NDRG3: variants seen among roughly 807,000 people sequenced by gnomAD.
The protein encoded by NDRG3 is NDRG family member 3.
NDRG3 carries 23 observed loss-of-function variants against 57.2 expected under a neutral mutation model. The ratio of observed to expected loss-of-function variants is 0.40; its 90% CI spans 0.29 to 0.57. The LOEUF (loss-of-function observed/expected upper bound fraction) is 0.57, where lower values mean the gene tolerates loss of function less well. Ranked by LOEUF, NDRG3 falls within the 20% of genes least tolerant of loss-of-function variation. The pLI, the probability that NDRG3 is intolerant of heterozygous loss-of-function variation, is 0.42. For synonymous variants in NDRG3, 132 were observed against 162.6 expected (o/e 0.81, Z 1.43); for missense variants, 384 against 457.3 (o/e 0.84, Z 1.46).
intron 1 of NDRG3, among the ~76,000 whole-genome samples, chr20:36,739,361 C>G (rs1985796334): frequency 1.3e-5 from 2 of 150,058 alleles, no homozygotes; most frequent in South Asian, 4.2e-4. Flanking sequence ...GCAGGAAAAT[C>G]CCATGAACCT....
intron 8 of NDRG3, among the ~76,000 whole-genome samples, chr20:36,676,840 G>T (rs145782930): frequency 6.6e-6 from 1 of 152,244 alleles, no homozygotes; most frequent in Non-Finnish European, 1.5e-5. Context: ...TGTGTGGCTG[G>T]GGCTGCACAC....
chr20:36,694,205 G>A (rs1982577738), intron 3 of NDRG3, among the ~76,000 whole-genome samples: 1 of 152,114 alleles, frequency 6.6e-6, no homozygotes, highest in Non-Finnish European at 1.5e-5. Flanking sequence ...TGGAGGAGGT[G>A]AAAGGGGAGG....
At chr20:36,704,669 TA>T (rs1465173009) in intron 3 of NDRG3, among the ~76,000 whole-genome samples, 1 of 152,170 alleles carries the variant, frequency 6.6e-6, no homozygotes, top group Non-Finnish European at 1.5e-5. Context: ...TAACGTAACT[TA>T]TTGTTTTAGA....
chr20:36,674,101 C>G (rs1029011952), intron 8 of NDRG3, among the ~76,000 whole-genome samples: 16 of 152,002 alleles, frequency 1.1e-4, no homozygotes, highest in Non-Finnish European at 4.4e-5. Context: ...AGTGAAACTC[C>G]GTCTCAAAAA....
intron 3 of NDRG3, among the ~76,000 whole-genome samples, chr20:36,703,536 T>C (rs940776493): frequency 1.3e-5 from 2 of 152,044 alleles, no homozygotes; most frequent in Non-Finnish European, 2.9e-5. Context: ...CTCAAACTCC[T>C]GGGCTCAAGC....
intron 5 of NDRG3, among the ~76,000 whole-genome samples, chr20:36,687,119 A>G (rs1165212631): frequency 3.9e-5 from 6 of 152,114 alleles, no homozygotes; most frequent in Admixed American, 3.9e-4. Context: ...TTTGCCTCCC[A>G]AAGTGCTAGG....
At chr20:36,745,448 G>C (rs1986138945) in intron 1 of NDRG3, among the ~76,000 whole-genome samples, 1 of 152,166 alleles carries the variant, frequency 6.6e-6, no homozygotes, top group South Asian at 2.1e-4. Context: ...CCTGAGTTGA[G>C]AGCTGACCCT....
intron 1 of NDRG3, among the ~76,000 whole-genome samples, chr20:36,735,305 G>A (rs1435919395): frequency 6.6e-6 from 1 of 152,156 alleles, no homozygotes; most frequent in Non-Finnish European, 1.5e-5. Context: ...AATGCTCATT[G>A]GAGCACTCGG....
chr20:36,737,672 C>T (rs777258722), intron 1 of NDRG3, among the ~76,000 whole-genome samples: 2 of 152,180 alleles, frequency 1.3e-5, no homozygotes, highest in Non-Finnish European at 2.9e-5. Flanking sequence ...GAGCAATCTG[C>T]ATCCTGACCT....
In NDRG3 at chr20:36,675,195, G is replaced by A. The variant is rs563559909; in HGVS notation, c.532-3798C>T. On this transcript the variant is annotated intron_variant, in intron 8 of 15. Coordinates refer to ENST00000349004, the MANE Select transcript of NDRG3 (RefSeq NM_032013.4). ...TTGCCTTAGCTTCCCAAGTAGCTGG[G>A]ATTACAGACATGTGCCACCAGGCCC... 1.3e-4 allele frequency among the ~76,000 whole-genome samples: 20 copies of A among 151,200 alleles called. No homozygotes were observed. The South Asian group carries it at 4.2e-3, about 32-fold the overall frequency.
At chr20:36,709,833 A>G (rs928054194) in intron 2 of NDRG3, among the ~76,000 whole-genome samples, 1 of 152,218 alleles carries the variant, frequency 6.6e-6, no homozygotes, top group Non-Finnish European at 1.5e-5. Flanking sequence ...GGTGCTTGAT[A>G]CAGATTTATA....
Position 36,652,955 on chromosome 20 carries a change from T to C in NDRG3, c.*565A>G, listed in dbSNP as rs746153079. The stretch of plus-strand genomic sequence containing the variant: ...CAATCAATGGTCCAGACGGCAATTA[T>C]GATTTTCCACATTCCTCAAAGCTGC... On this transcript the variant is annotated 3_prime_UTR_variant, in exon 16 of 16. Coordinates refer to ENST00000349004, the MANE Select transcript of NDRG3 (RefSeq NM_032013.4). 4 of 152,526 alleles carry C rather than the reference T, an allele frequency of 2.6e-5. No homozygotes were observed. The highest frequency in any genetic ancestry group is 4.4e-5 in the Non-Finnish European group (3 of 68,054). The allele number at this position is 152,526 out of a possible 1,614,324, so 9.4% of individuals were successfully genotyped here.
At chr20:36,710,384 A>T (rs1036913912) in intron 2 of NDRG3, among the ~76,000 whole-genome samples, 3 of 152,060 alleles carry the variant, frequency 2.0e-5, no homozygotes, top group Non-Finnish European at 4.4e-5. Flanking sequence ...CTGCAGAGAG[A>T]GGTTATGGGT....
intron 2 of NDRG3, among the ~76,000 whole-genome samples, chr20:36,711,712 C>A (rs1426901504): frequency 6.6e-6 from 1 of 152,184 alleles, no homozygotes; most frequent in African/African-American, 2.4e-5. Flanking sequence ...GTTCTCAATC[C>A]CATGTTCCTA....
rs1347720378 is a variant in NDRG3, at chr20:36,652,892, C to T, written c.*628G>A. On this transcript the variant is annotated 3_prime_UTR_variant, in exon 16 of 16. Coordinates refer to ENST00000349004, the MANE Select transcript of NDRG3 (RefSeq NM_032013.4). The stretch of plus-strand genomic sequence containing the variant: ...AAATTCATTTGGACAGAAGGAGCCT[C>T]TCTATGTAACAGGCACCCTTCTGCT... 1 of 152,300 alleles carries T rather than the reference C, an allele frequency of 6.6e-6. No individual in the cohort carries two copies. The highest frequency in any genetic ancestry group is 1.5e-5 in the Non-Finnish European group (1 of 68,040). 9.4% of individuals were successfully genotyped at this position (152,300 alleles called of 1,614,324 possible). A position where few individuals can be genotyped will look rare whatever the true frequency, so the allele number is the denominator to read the frequency against.
intron 1 of NDRG3, 113 bp from the exon 2 acceptor site, chr20:36,721,896 G>T: frequency 1.8e-6 from 1 of 564,238 alleles, no homozygotes. Context: ...GCCATGCCCT[G>T]CTCAGGGTGC....
At position 36,687,597 on chromosome 20, in the gene NDRG3, T is replaced by C. The variant is rs747372999; in HGVS notation, c.215A>G (p.Asn72Ser). 3.7e-6 allele frequency: 6 copies of C among 1,613,738 alleles called. No homozygotes were observed. The highest frequency in any genetic ancestry group is 4.2e-6 in the Non-Finnish European group (5 of 1,179,814). The stretch of plus-strand genomic sequence containing the variant: ...CATATCCTCAAAGTTAAAGAATGCA[T>C]TGAAACAGGATTTATCTATAAGAAT... ...DIGLNHKSCF[N>S]AFFNFEDMQE... The change falls in exon 5 of 16, where the codon AAT becomes AGT. Residue 72 changes from asparagine to serine, a missense_variant. Asn to Ser is a conservative substitution (Grantham distance 46). Transcript: ENST00000349004.
At chr20:36,671,454 C>G in intron 8 of NDRG3, 57 bp from the exon 9 acceptor site, 1 of 1,354,732 alleles carries the variant, frequency 7.4e-7, no homozygotes, top group East Asian at 2.3e-5. Flanking sequence ...ATTTATCAAG[C>G]TGCCCAATTA....
intron 3 of NDRG3, chr20:36,700,781 C>CA (rs1983173656): frequency 5.4e-6 from 1 of 183,626 alleles, no homozygotes; most frequent in Non-Finnish European, 1.1e-5. Context: ...TTTCTTTCTT[C>CA]TTTTTTTTTG....
Sources: gnomAD v4.1 joint callset for allele counts (sites outside exome capture counted in the v4.1 genomes callset) on GRCh38, gnomAD v4.1.1 for gene constraint, MANE v1.5 for transcripts, NCBI Gene and HGNC (gene_info 2026-07-23, HGNC 2026-07-21) for gene names.